The following LONP2 variants were observed in gnomAD, a reference collection of about 807,000 sequenced individuals.
The protein encoded by LONP2 is lon peptidase 2, peroxisomal.
A neutral mutation model predicts 85.6 loss-of-function variants in LONP2; 60 were observed. The observed-to-expected ratio is 0.70, with a 90% CI of 0.57 to 0.87. The LOEUF (loss-of-function observed/expected upper bound fraction) is 0.87, where lower values mean the gene tolerates loss of function less well. Among genes scored for constraint, LONP2 ranks in the 40% least tolerant of loss-of-function variants. The pLI, the probability that LONP2 is intolerant of heterozygous loss-of-function variation, is 0.00. For missense variants in LONP2, 860 were observed against 1,063.5 expected, an observed-to-expected ratio of 0.81 and a Z score of 2.66; for synonymous variants, 395 against 389.7, an observed-to-expected ratio of 1.01 and a Z score of -0.16.
At chr16:48,254,249 C>T (rs1162589588) in intron 2 of LONP2, among the ~76,000 whole-genome samples, 1 of 152,356 alleles carries the variant, frequency 6.6e-6, no homozygotes, top group Admixed American at 6.5e-5. Flanking sequence ...TAGTTATCAC[C>T]TCACTGACAC....
intron 11 of LONP2, among the ~76,000 whole-genome samples, chr16:48,312,911 T>C (rs920412449): frequency 1.3e-5 from 2 of 152,194 alleles, no homozygotes; most frequent in African/African-American, 4.8e-5. Context: ...TGTGCTGTGC[T>C]TCCAGGGTAG....
At chr16:48,322,076 A>G (rs528406960) in intron 11 of LONP2, among the ~76,000 whole-genome samples, 1 of 151,696 alleles carries the variant, frequency 6.6e-6, no homozygotes, top group African/African-American at 2.4e-5. Context: ...GTGTGCCACC[A>G]CACCCAGCTT....
intron 1 of LONP2, among the ~76,000 whole-genome samples, chr16:48,251,068 A>G (rs1971634134): frequency 6.6e-6 from 1 of 152,238 alleles, no homozygotes; most frequent in African/African-American, 2.4e-5. Context: ...GCTATGTGTA[A>G]TCTACGGAAT....
chr16:48,256,716 G>T lies in LONP2; in HGVS notation c.575G>T (p.Arg192Leu). ...ALPDILTSII[R>L]TSNKEKLQIL... ...CCAGACATCTTGACATCAATTATCC[G>T]AACAAGCAACAAAGAGAAACTCCAG... The change falls in exon 3 of 15, where the codon CGA (arginine) becomes CTA (leucine). Residue 192 changes from arginine to leucine, a missense_variant. By Grantham distance (102) the Arg-to-Leu change is moderately radical. Coordinates refer to ENST00000285737, the MANE Select transcript of LONP2 (RefSeq NM_031490.5). 3 of 1,613,720 alleles carry T rather than the reference G, an allele frequency of 1.9e-6. No homozygotes were observed. The highest frequency in any genetic ancestry group is 2.2e-5 in the East Asian group (1 of 44,824).
Position 48,309,765 on chromosome 16 carries a change from TG to T in LONP2, c.1795+6462del, listed in dbSNP as rs528261392. 2.4e-4 allele frequency among the ~76,000 whole-genome samples: 37 copies of T among 152,338 alleles called. 1 individual carries two copies. The South Asian group carries it at 7.7e-3, about 32-fold the overall frequency. Reference sequence around the variant, plus strand: ...GAGACTTGTTTTGTGGCCTGACGTTTGGTCTGTCTTGGAGAATGTCCCATGT... The same window carrying T: ...GAGACTTGTTTTGTGGCCTGACGTTTGTCTGTCTTGGAGAATGTCCCATGT... On this transcript the variant is annotated intron_variant, in intron 11 of 14. Coordinates refer to ENST00000285737, the MANE Select transcript of LONP2 (RefSeq NM_031490.5).
intron 9 of LONP2, among the ~76,000 whole-genome samples, chr16:48,298,627 GT>G (rs1314853623): frequency 0.018 from 53 of 2,908 alleles, no homozygotes; most frequent in Admixed American, 0.08. Flanking sequence ...TTTAATTGAG[GT>G]GTGTGTGTGT....
intron 1 of LONP2, 72 bp downstream of exon 1, chr16:48,244,693 C>A: frequency 9.0e-7 from 1 of 1,114,080 alleles, no homozygotes; most frequent in Non-Finnish European, 1.2e-6. Context: ...CAGGCCACGG[C>A]CTGCCTTGAG....
At chr16:48,282,768 G>A (rs1465397714) in intron 8 of LONP2, among the ~76,000 whole-genome samples, 2 of 152,122 alleles carry the variant, frequency 1.3e-5, no homozygotes, top group Admixed American at 6.6e-5. Context: ...ATTAGGCCAA[G>A]TAATAACCCT....
At chr16:48,317,651 G>C (rs1596979451) in intron 11 of LONP2, among the ~76,000 whole-genome samples, 2 of 152,174 alleles carry the variant, frequency 1.3e-5, no homozygotes, top group Non-Finnish European at 1.5e-5. Context: ...TGTTTGACTT[G>C]GTTAACAGAC....
At chr16:48,342,644 C>G (rs920982040) in intron 12 of LONP2, among the ~76,000 whole-genome samples, 1 of 152,230 alleles carries the variant, frequency 6.6e-6, no homozygotes, top group African/African-American at 2.4e-5. Context: ...TGGACCCCAA[C>G]ACCTCTCCAA....
chr16:48,252,309 A>G lies in LONP2; in HGVS notation c.412A>G (p.Lys138Glu), dbSNP rs762415143. 27 of 1,613,718 alleles carry G rather than the reference A, an allele frequency of 1.7e-5. No homozygotes were observed. The highest frequency in any genetic ancestry group is 2.2e-5 in the South Asian group (2 of 90,998). The change falls in exon 2 of 15, where the codon AAA (lysine) becomes GAA (glutamate). Residue 138 changes from lysine to glutamate, a missense_variant. Coordinates refer to ENST00000285737, the MANE Select transcript of LONP2 (RefSeq NM_031490.5). ...ACTTGAGGAGTTTCCCAACACCTGT[A>G]AAATGAGGGAGGAGCTAGGAGAACT... ...DRLEEFPNTCKMREELGELSE... is the reference protein window; with the variant it reads ...DRLEEFPNTCEMREELGELSE...
At chr16:48,334,683 C>CT (rs1959585625) in intron 12 of LONP2, 6 of 577,804 alleles carry the variant, frequency 1.0e-5, no homozygotes, top group African/African-American at 1.8e-5. Flanking sequence ...ATGTTGTAGT[C>CT]TAAGAGTGTG....
intron 12 of LONP2, among the ~76,000 whole-genome samples, chr16:48,347,291 C>A (rs1959994234): frequency 6.6e-6 from 1 of 152,148 alleles, no homozygotes; most frequent in Non-Finnish European, 1.5e-5. Flanking sequence ...GGTAAAATTG[C>A]CTCTGATAAA....
intron 12 of LONP2, chr16:48,344,294 A>G (rs1214843216): frequency 6.6e-6 from 1 of 152,192 alleles, no homozygotes; most frequent in Admixed American, 6.5e-5. Context: ...TAAGAATTGT[A>G]GGTCCTTTGC....
chr16:48,244,723 C>T (rs889322863), intron 1 of LONP2, 102 bp downstream of exon 1: 2 of 796,188 alleles, frequency 2.5e-6, no homozygotes, highest in Non-Finnish European at 3.5e-6. Flanking sequence ...CAGTTCGGGG[C>T]GGCCTTCGCG....
At chr16:48,305,342 T>C (rs1475267847) in intron 11 of LONP2, among the ~76,000 whole-genome samples, 1 of 152,108 alleles carries the variant, frequency 6.6e-6, no homozygotes, top group African/African-American at 2.4e-5. Flanking sequence ...GCAACCTCCG[T>C]CTCCGAGGTT....
At chr16:48,245,549 C>T (rs1017611337) in intron 1 of LONP2, among the ~76,000 whole-genome samples, 8 of 152,164 alleles carry the variant, frequency 5.3e-5, no homozygotes, top group Admixed American at 2.6e-4. Context: ...TGCCAGTTGT[C>T]CTGGTTTGCT....
chr16:48,314,589 A>C (rs1415045508), intron 11 of LONP2, among the ~76,000 whole-genome samples: 2 of 152,198 alleles, frequency 1.3e-5, no homozygotes, highest in Admixed American at 6.5e-5. Flanking sequence ...ATTGGTTACT[A>C]GTACAAAAAC....
chr16:48,313,130 A>C (rs1973069637), intron 11 of LONP2, among the ~76,000 whole-genome samples: 1 of 152,192 alleles, frequency 6.6e-6, no homozygotes, highest in African/African-American at 2.4e-5. Context: ...TAGGTCCTTC[A>C]AATATCCATG....
Sources: allele counts gnomAD v4.1 joint callset (sites outside exome capture counted in the v4.1 genomes callset), GRCh38; gene constraint gnomAD v4.1.1; transcripts MANE v1.5; gene names NCBI Gene and HGNC (gene_info 2026-07-23, HGNC 2026-07-21).